Variants in RERG observed in about 807,000 individuals in gnomAD.
The protein encoded by RERG is RAS like estrogen regulated growth inhibitor.
Under a neutral mutation model 23.2 loss-of-function variants are expected in RERG, and 25 were observed. The observed-to-expected ratio is 1.08, with a 90% CI of 0.79 to 1.50. The LOEUF (loss-of-function observed/expected upper bound fraction) is 1.50, where lower values mean the gene tolerates loss of function less well. RERG is among the 40% of genes most tolerant of loss of function. The pLI is 0.00. For synonymous variants in RERG, 81 were observed against 89.1 expected (o/e 0.91, Z 0.51); for missense variants, 253 against 250.1 (o/e 1.01, Z -0.08).
chr12:15,126,128 CATATATATAT>C (rs67901734), intron 2 of RERG, among the ~76,000 whole-genome samples: 1 of 89,094 alleles, frequency 1.1e-5, no homozygotes, highest in Non-Finnish European at 2.1e-5. Context: ...TTGTATATAC[CATATATATAT>C]ATATATATAT....
At chr12:15,170,269 T>C (rs551734370) in intron 2 of RERG, among the ~76,000 whole-genome samples, 33 of 152,166 alleles carry the variant, frequency 2.2e-4, no homozygotes, top group African/African-American at 7.9e-4. Context: ...ATGTGCACTG[T>C]AGGTTCATAA....
At chr12:15,114,235 CA>C (rs1157770322) in intron 3 of RERG, among the ~76,000 whole-genome samples, 2 of 149,804 alleles carry the variant, frequency 1.3e-5, no homozygotes, top group African/African-American at 2.5e-5. Context: ...ATGCACAGAC[CA>C]AAAAAAATGA....
intron 2 of RERG, among the ~76,000 whole-genome samples, chr12:15,122,362 TAGGAAAAACAG>T (rs1413177534): frequency 1.3e-5 from 2 of 152,204 alleles, no homozygotes; most frequent in African/African-American, 2.4e-5. Flanking sequence ...GTCTCACTTT[TAGGAAAAACAG>T]AGGTATAACC....
chr12:15,217,752 T>C, intron 1 of RERG, 149 bp from the exon 2 acceptor site: 1 of 363,218 alleles, frequency 2.8e-6, no homozygotes, highest in South Asian at 4.1e-5. Flanking sequence ...TATGGTAACT[T>C]ACTGTAAATG....
intron 2 of RERG, among the ~76,000 whole-genome samples, chr12:15,148,845 C>CAGTT (rs1864379775): frequency 1.4e-5 from 1 of 71,974 alleles, no homozygotes; most frequent in Non-Finnish European, 3.0e-5. Context: ...TCCTTTAACT[C>CAGTT]TGTTTTTTTT....
intron 2 of RERG, among the ~76,000 whole-genome samples, chr12:15,214,222 T>C (rs909719996): frequency 2.0e-5 from 3 of 152,186 alleles, no homozygotes; most frequent in African/African-American, 7.2e-5. Context: ...CCAGGAACAC[T>C]TGCATGTAAC....
chr12:15,197,044 A>G (rs987869087), intron 2 of RERG, among the ~76,000 whole-genome samples: 2 of 152,172 alleles, frequency 1.3e-5, no homozygotes, highest in Non-Finnish European at 2.9e-5. Flanking sequence ...CAATGTTCTA[A>G]AGCATTTTCA....
At chr12:15,182,692 T>A (rs141684341) in intron 2 of RERG, among the ~76,000 whole-genome samples, 1 of 152,228 alleles carries the variant, frequency 6.6e-6, no homozygotes, top group Non-Finnish European at 1.5e-5. Flanking sequence ...AGTAAAGTGA[T>A]ATAAACTGTT....
At chr12:15,203,956 T>C (rs1326489806) in intron 2 of RERG, among the ~76,000 whole-genome samples, 1 of 151,606 alleles carries the variant, frequency 6.6e-6, no homozygotes, top group Non-Finnish European at 1.5e-5. Context: ...TTTGTGTTAA[T>C]GAATTGGAAG....
chr12:15,108,782 GC>G lies in RERG; in HGVS notation c.*327del, dbSNP rs1450531428. On this transcript the variant is annotated 3_prime_UTR_variant, in exon 5 of 5. Coordinates refer to ENST00000256953, the MANE Select transcript of RERG (RefSeq NM_032918.3). Reference sequence around the variant, plus strand: ...CTGACAAGAAATTGAATTTTTAAATGCCTTTGCAAAAACTTCAACCTACTTA... The same window carrying G: ...CTGACAAGAAATTGAATTTTTAAATGCTTTGCAAAAACTTCAACCTACTTA... 13 of 208,026 alleles carry G rather than the reference GC, an allele frequency of 6.2e-5. No homozygotes were observed. The highest frequency in any genetic ancestry group is 9.5e-5 in the Non-Finnish European group (10 of 105,502). The allele number at this position is 208,026 out of a possible 1,614,324, so 12.9% of individuals were successfully genotyped here.
rs1565524945 is a variant in RERG, at chr12:15,163,442, A to G, written c.62-42323T>C. Among the ~76,000 whole-genome samples the G allele has an allele frequency of 2.0e-5, 3 of 152,218 alleles. No individual in the cohort carries two copies. The South Asian group carries it at 6.2e-4, about 32-fold the overall frequency. Reference sequence around the variant, plus strand: ...ATGAATGTGAAGAATTGGGTTACATAGGGGAAGTGTTTCCAGTAGCGGATA... The same window carrying G: ...ATGAATGTGAAGAATTGGGTTACATGGGGGAAGTGTTTCCAGTAGCGGATA... On this transcript the variant is annotated intron_variant, in intron 2 of 4. Coordinates refer to ENST00000256953, the MANE Select transcript of RERG (RefSeq NM_032918.3).
At chr12:15,145,138 T>C (rs950973570) in intron 2 of RERG, among the ~76,000 whole-genome samples, 11 of 151,926 alleles carry the variant, frequency 7.2e-5, no homozygotes, top group Admixed American at 5.9e-4. Context: ...ACAATTGGAG[T>C]CTAACAAGAA....
chr12:15,189,268 CAT>C (rs1436734523), intron 2 of RERG, among the ~76,000 whole-genome samples: 2 of 152,162 alleles, frequency 1.3e-5, no homozygotes, highest in Admixed American at 6.5e-5. Context: ...CAAGAAGCTA[CAT>C]AGTTTCACCT....
intron 3 of RERG, among the ~76,000 whole-genome samples, chr12:15,114,895 A>G (rs1448602495): frequency 6.6e-6 from 1 of 152,134 alleles, no homozygotes. Context: ...GGTGCATGCT[A>G]AAGTTTGAGA....
intron 2 of RERG, among the ~76,000 whole-genome samples, chr12:15,151,468 A>T (rs983308527): frequency 5.3e-5 from 8 of 152,174 alleles, no homozygotes; most frequent in African/African-American, 1.9e-4. Flanking sequence ...ACTGATATTC[A>T]CTTTGCTGGA....
chr12:15,118,645 G>A (rs1029637724), intron 3 of RERG, among the ~76,000 whole-genome samples: 5 of 152,150 alleles, frequency 3.3e-5, no homozygotes, highest in South Asian at 2.1e-4. Flanking sequence ...ACCTTCCTTC[G>A]TGGTGCTGTC....
At chr12:15,213,516 T>C (rs1433548498) in intron 2 of RERG, among the ~76,000 whole-genome samples, 3 of 152,224 alleles carry the variant, frequency 2.0e-5, no homozygotes, top group Non-Finnish European at 4.4e-5. Context: ...GAGTTCACTG[T>C]ACTATCCCTA....
intron 2 of RERG, among the ~76,000 whole-genome samples, chr12:15,156,439 C>G (rs1864523897): frequency 6.6e-6 from 1 of 152,194 alleles, no homozygotes; most frequent in Admixed American, 6.5e-5. Context: ...AAGTTTACCA[C>G]AAATACCACA....
In RERG at chr12:15,111,332, C is replaced by A. The variant is rs377418892; in HGVS notation, c.192+12G>T. On this transcript the variant is annotated intron_variant, in intron 4 of 4. Transcript: ENST00000256953. ...GATCCAGAAAAATATTTTAGCTGAACTCTTTATTCACCTGACCAGCAGTGT... is the reference window on the plus strand; with the variant it reads ...GATCCAGAAAAATATTTTAGCTGAAATCTTTATTCACCTGACCAGCAGTGT... 1.9e-6 allele frequency: 3 copies of A among 1,584,398 alleles called. No individual in the cohort carries two copies. The highest frequency in any genetic ancestry group is 2.7e-5 in the African/African-American group (2 of 73,986).
Sources: allele counts gnomAD v4.1 joint callset (sites outside exome capture counted in the v4.1 genomes callset), GRCh38; gene constraint gnomAD v4.1.1; transcripts MANE v1.5; gene names NCBI Gene and HGNC (gene_info 2026-07-23, HGNC 2026-07-21).